AURKA: variants seen among roughly 807,000 people sequenced by gnomAD.
The protein encoded by AURKA is aurora kinase A, also known as aurora 2.
In AURKA, 12 loss-of-function variants were observed where a neutral mutation model predicts 40.9. The ratio of observed to expected loss-of-function variants is 0.29; its 90% CI spans 0.19 to 0.48. The LOEUF (loss-of-function observed/expected upper bound fraction) is 0.48, where lower values mean the gene tolerates loss of function less well. AURKA is among the 20% of genes least tolerant of loss of function. The pLI is 0.99. For synonymous variants in AURKA, 170 were observed against 164.3 expected (o/e 1.03, Z -0.26); for missense variants, 322 against 462.1 (o/e 0.70, Z 2.78).
chr20:56,371,450 G>A (rs1984206483), intron 7 of AURKA, among the ~76,000 whole-genome samples: 1 of 147,114 alleles, frequency 6.8e-6, no homozygotes, highest in South Asian at 2.2e-4. Flanking sequence ...GACAGAGCGA[G>A]ACTCTGTCTC....
At chr20:56,391,153 T>C (rs759093495) in intron 1 of AURKA, among the ~76,000 whole-genome samples, 2 of 152,228 alleles carry the variant, frequency 1.3e-5, no homozygotes, top group Non-Finnish European at 2.9e-5. Flanking sequence ...ATAGAAAAGC[T>C]GTTAGGCTAA....
chr20:56,371,535 G>A (rs896302501), intron 7 of AURKA, among the ~76,000 whole-genome samples: 6 of 150,290 alleles, frequency 4.0e-5, no homozygotes, highest in South Asian at 2.1e-4. Context: ...CAGCAAATAC[G>A]GGGAATAAAG....
At chr20:56,370,775 G>A in intron 7 of AURKA, 116 bp from the exon 8 acceptor site, 2 of 1,095,554 alleles carry the variant, frequency 1.8e-6, no homozygotes, top group South Asian at 3.0e-5. Flanking sequence ...CAGATCCTGT[G>A]CCCTAGGAAG....
chr20:56,375,439 C>T (rs1984813835), intron 6 of AURKA, among the ~76,000 whole-genome samples: 1 of 151,960 alleles, frequency 6.6e-6, no homozygotes, highest in Non-Finnish European at 1.5e-5. Context: ...GCTACCATGC[C>T]TGGCCCAGAA....
intron 4 of AURKA, among the ~76,000 whole-genome samples, chr20:56,383,451 C>T (rs1260388206): frequency 6.6e-6 from 1 of 152,226 alleles, no homozygotes; most frequent in East Asian, 1.9e-4. Context: ...CAAGCCCGTA[C>T]TATGCTCAGA....
intron 7 of AURKA, among the ~76,000 whole-genome samples, chr20:56,371,062 T>C (rs994969327): frequency 2.0e-5 from 3 of 152,230 alleles, no homozygotes; most frequent in Admixed American, 6.5e-5. Flanking sequence ...ACTGTCCCAC[T>C]GTAACAGCAC....
intron 6 of AURKA, among the ~76,000 whole-genome samples, chr20:56,380,845 A>C (rs1224957200): frequency 1.3e-5 from 2 of 152,342 alleles, no homozygotes; most frequent in South Asian, 2.1e-4. Flanking sequence ...TGTGGACTTG[A>C]GTTAATAGTT....
At chr20:56,385,014 C>A (rs1412062473) in intron 3 of AURKA, among the ~76,000 whole-genome samples, 1 of 152,164 alleles carries the variant, frequency 6.6e-6, no homozygotes, top group African/African-American at 2.4e-5. Flanking sequence ...CACATGTGCA[C>A]CCCTCAACCC....
chr20:56,382,451 G>GA (rs1371368806), intron 5 of AURKA, among the ~76,000 whole-genome samples: 23 of 152,030 alleles, frequency 1.5e-4, no homozygotes, highest in African/African-American at 1.7e-4. Context: ...AACACTGAAA[G>GA]AAAAAAAGGA....
chr20:56,382,948 G>T, intron 5 of AURKA, 37 bp downstream of exon 5: 5 of 1,608,176 alleles, frequency 3.1e-6, no homozygotes, highest in Non-Finnish European at 4.3e-6. Context: ...GTGCAGCATT[G>T]GTGAACATTC....
At chr20:56,374,931 G>A (rs1369791651) in intron 6 of AURKA, among the ~76,000 whole-genome samples, 2 of 151,880 alleles carry the variant, frequency 1.3e-5, no homozygotes, top group Admixed American at 6.6e-5. Flanking sequence ...GCCTATAATC[G>A]CAGCTACTCG....
At chr20:56,391,823 C>T (rs1299201571) in intron 1 of AURKA, 1 of 152,212 alleles carries the variant, frequency 6.6e-6, no homozygotes, top group Non-Finnish European at 1.5e-5. Context: ...AACGTGAACT[C>T]CAACACAGCA....
chr20:56,391,830 A>G (rs1987172442), intron 1 of AURKA: 1 of 152,170 alleles, frequency 6.6e-6, no homozygotes, highest in African/African-American at 2.4e-5. Context: ...ACTCCAACAC[A>G]GCAGAGACCT....
chr20:56,386,918 C>T (rs943779986), intron 2 of AURKA, among the ~76,000 whole-genome samples: 10 of 147,376 alleles, frequency 6.8e-5, no homozygotes, highest in Non-Finnish European at 1.2e-4. Flanking sequence ...TGATAATATA[C>T]GTTTAAGAAA....
chr20:56,375,427 G>A (rs1287099126), intron 6 of AURKA, among the ~76,000 whole-genome samples: 1 of 150,314 alleles, frequency 6.7e-6, no homozygotes, highest in Admixed American at 6.7e-5. Flanking sequence ...TTACAAGCGT[G>A]AGCTACCATG....
rs1211313151 is a variant in AURKA at position 56,386,470 on chromosome 20, G to A, written c.106C>T (p.Pro36Ser). The A allele has an allele frequency of 6.2e-7, 1 of 1,614,102 alleles. No homozygotes were observed. The highest frequency in any genetic ancestry group is 1.3e-5 in the African/African-American group (1 of 74,930). Residue 36 changes from proline (P) to serine (S), a missense_variant, in exon 3 of 9, where the codon CCA becomes TCA. Physicochemically the swap from Pro to Ser is moderately conservative, Grantham distance 74 (BLOSUM62 -1). Transcript: ENST00000395915. ...GCCTGGCCACTATTTACAGGTAATG[G>A]ATTCTGACAAGGAAATTGCTGAGTC... ...LVTQQFPCQNPLPVNSGQAQR... is the reference protein window; with the variant it reads ...LVTQQFPCQNSLPVNSGQAQR...
At chr20:56,382,545 C>T (rs1339738603) in intron 5 of AURKA, among the ~76,000 whole-genome samples, 1 of 152,190 alleles carries the variant, frequency 6.6e-6, no homozygotes, top group African/African-American at 2.4e-5. Context: ...GTGCCATTCC[C>T]CTTCACTGTC....
chr20:56,377,117 G>A (rs895487952), intron 6 of AURKA, among the ~76,000 whole-genome samples: 1 of 150,134 alleles, frequency 6.7e-6, no homozygotes, highest in African/African-American at 2.5e-5. Context: ...TGATGAGACC[G>A]TGTCTATACA....
intron 1 of AURKA, among the ~76,000 whole-genome samples, chr20:56,390,034 G>A (rs1428302356): frequency 2.6e-5 from 4 of 152,136 alleles, no homozygotes; most frequent in African/African-American, 7.2e-5. Context: ...CAAATCAGAT[G>A]TGTTGATCCT....
Sources: gnomAD v4.1 joint callset for allele counts (sites outside exome capture counted in the v4.1 genomes callset) on GRCh38, gnomAD v4.1.1 for gene constraint, MANE v1.5 for transcripts, NCBI Gene and HGNC (gene_info 2026-07-23, HGNC 2026-07-21) for gene names.